The following HAUS7 variants were observed in gnomAD, a reference collection of about 807,000 sequenced individuals.
HAUS7 encodes the protein HAUS augmin-like complex subunit 7.
HAUS7 carries 3 observed loss-of-function variants against 28.4 expected under a neutral mutation model. The observed-to-expected ratio is 0.11, with a 90% CI of 0.05 to 0.27. The LOEUF is 0.27. Ranked by LOEUF, HAUS7 falls within the 10% of genes least tolerant of loss-of-function variation. The pLI, the probability that HAUS7 is intolerant of heterozygous loss-of-function variation, is 1.00. For synonymous variants in HAUS7, 165 were observed against 132.1 expected, an observed-to-expected ratio of 1.25 and a Z score of -1.71; for missense variants, 284 against 297.3, an observed-to-expected ratio of 0.96 and a Z score of 0.33.
intron 4 of HAUS7, among the ~76,000 whole-genome samples, chrX:153,460,594 G>T (rs1449455516): frequency 9.0e-6 from 1 of 110,552 alleles, no homozygotes; most frequent in East Asian, 2.8e-4. Context: ...AGCTCCCACA[G>T]GGCCTGTTAG....
At chrX:153,476,302 C>T (rs1451849287) in intron 1 of HAUS7, among the ~76,000 whole-genome samples, 2 of 112,389 alleles carry the variant, frequency 1.8e-5, no homozygotes, top group Non-Finnish European at 3.8e-5. Flanking sequence ...TGCCTCTGCC[C>T]AAATGTCACT....
intron 1 of HAUS7, among the ~76,000 whole-genome samples, chrX:153,475,679 A>G (rs2089558054): frequency 8.9e-6 from 1 of 112,605 alleles, no homozygotes; most frequent in Non-Finnish European, 1.9e-5. Context: ...CATGTGCCAC[A>G]CACTGCTGTC....
intron 9 of HAUS7, among the ~76,000 whole-genome samples, chrX:153,448,314 T>A (rs2089190657): frequency 2.9e-5 from 3 of 102,009 alleles, no homozygotes; most frequent in Non-Finnish European, 3.9e-5. Flanking sequence ...AAACACCGCA[T>A]GTTCTCACTC....
intron 1 of HAUS7, among the ~76,000 whole-genome samples, chrX:153,492,605 C>G: frequency 8.9e-6 from 1 of 111,787 alleles, no homozygotes; most frequent in Non-Finnish European, 1.9e-5. Context: ...TGTGTCTCCC[C>G]CAAGCAGGGT....
intron 4 of HAUS7, among the ~76,000 whole-genome samples, chrX:153,459,060 CTT>C (rs2089353771): frequency 8.9e-6 from 1 of 112,406 alleles, no homozygotes; most frequent in East Asian, 2.8e-4. Flanking sequence ...GCCCGGCCTC[CTT>C]TTCTTTTTTG....
chrX:153,483,433 G>A, intron 1 of HAUS7: 4 of 755,861 alleles, frequency 5.3e-6, no homozygotes, highest in Non-Finnish European at 6.3e-6. Flanking sequence ...CCCGAGCCTG[G>A]ATTCATCTCC....
chrX:153,461,929 T>C, intron 4 of HAUS7: 1 of 397,842 alleles, frequency 2.5e-6, no homozygotes, highest in Admixed American at 4.8e-5. Context: ...AACCAGCCAG[T>C]GTACATCTCA....
chrX:153,469,973 C>T (rs900480031), intron 1 of HAUS7, among the ~76,000 whole-genome samples: 6 of 111,308 alleles, frequency 5.4e-5, no homozygotes, highest in Admixed American at 9.4e-5. Flanking sequence ...GGCCAGCTTT[C>T]CTCACTGCTG....
At chrX:153,466,101 G>A (rs2089451820) in intron 2 of HAUS7, among the ~76,000 whole-genome samples, 1 of 112,728 alleles carries the variant, frequency 8.9e-6, no homozygotes, top group Non-Finnish European at 1.9e-5. Flanking sequence ...ATCGGGCTGG[G>A]CTTGGCTGCC....
rs781882595 is a variant in HAUS7 at position 153,488,670 on chromosome X, C to T, written c.-589+6704G>A. Among the ~76,000 whole-genome samples, 6 of 112,793 alleles carry T rather than the reference C, an allele frequency of 5.3e-5. No individual in the cohort carries two copies. In the East Asian group the frequency reaches 1.7e-3, roughly 32 times the overall value. On this transcript the variant is annotated intron_variant, in intron 1 of 5. Transcript: ENST00000370210. ...GCTGGCCCCACTCTCCCAGCTCTCA[C>T]GACCCCTCCTCCCTGCCTGGCCGCC...
At chrX:153,453,108 T>C (rs986598847) in intron 9 of HAUS7, among the ~76,000 whole-genome samples, 3 of 112,705 alleles carry the variant, frequency 2.7e-5, no homozygotes, top group Middle Eastern at 4.2e-3. Context: ...TGAAAAGGAA[T>C]GAACTACATG....
chrX:153,470,702 C>T (rs1015103315), upstream of HAUS7: 2 of 900,112 alleles, frequency 2.2e-6, no homozygotes, highest in East Asian at 3.4e-5. Flanking sequence ...ACATCTCCGC[C>T]TGCGCGGGCC....
chrX:153,489,675 G>T (rs1461440148), intron 1 of HAUS7, among the ~76,000 whole-genome samples: 1 of 112,311 alleles, frequency 8.9e-6, no homozygotes, highest in Non-Finnish European at 1.9e-5. Flanking sequence ...CCCTCCCTGG[G>T]GCTGGGCCTG....
upstream of HAUS7, among the ~76,000 whole-genome samples, chrX:153,474,150 C>G (rs901314028): frequency 7.1e-5 from 8 of 112,588 alleles, no homozygotes; most frequent in African/African-American, 2.6e-4. Flanking sequence ...AGACTCAACT[C>G]TACAACGTTC....
At chrX:153,450,651 G>A (rs909404939) in intron 9 of HAUS7, among the ~76,000 whole-genome samples, 2 of 112,464 alleles carry the variant, frequency 1.8e-5, no homozygotes, top group African/African-American at 3.2e-5. Context: ...CCTGGGGGGC[G>A]ACTCCTGGTG....
At chrX:153,454,292 GGGGCC>G in intron 9 of HAUS7, 97 bp downstream of exon 9, 1 of 497,722 alleles carries the variant, frequency 2.0e-6, no homozygotes, top group East Asian at 3.7e-5. Context: ...AACAAAAGAA[GGGGCC>G]GGTCCCCAAA....
rs191657196 is a variant in HAUS7 at position 153,486,543 on chromosome X, C to T, written c.-589+8831G>A. 1.6e-3 allele frequency: 1,185 copies of T among 725,544 alleles called. 2 individuals carry two copies. Among genetic ancestry groups the T allele is most frequent in the Admixed American group, 2.5e-3 (80 of 32,553 alleles). The allele number at this position is 725,544 out of a possible 1,213,427, so 59.8% of individuals were successfully genotyped here. ...CTCGGTCTTACTGCTTCTCTCAGGG[C>T]AGGGGTCTCTGTCTCTTCTTGAATG... On this transcript the variant is annotated intron_variant, in intron 1 of 5. Transcript: ENST00000370210.
intron 1 of HAUS7, chrX:153,487,121 C>G (rs2089643979): frequency 4.4e-6 from 1 of 224,915 alleles, no homozygotes; most frequent in African/African-American, 2.9e-5. Flanking sequence ...TGGGCTGCAC[C>G]TGAGACTGTC....
intron 1 of HAUS7, 104 bp from the exon 2 acceptor site, chrX:153,469,365 A>G: frequency 2.3e-6 from 1 of 438,274 alleles, no homozygotes; most frequent in Non-Finnish European, 4.0e-6. Context: ...TCTGTCGCCC[A>G]GCCTGGATGG....
Sources: allele counts gnomAD v4.1 joint callset (sites outside exome capture counted in the v4.1 genomes callset), GRCh38; gene constraint gnomAD v4.1.1; transcripts MANE v1.5; gene names NCBI Gene and HGNC (gene_info 2026-07-23, HGNC 2026-07-21).